The following GOLPH3 variants were observed in gnomAD, a reference collection of about 807,000 sequenced individuals.
The protein encoded by GOLPH3 is golgi phosphoprotein 3.
GOLPH3 carries 14 observed loss-of-function variants against 28.5 expected under a neutral mutation model. The observed-to-expected ratio is 0.49, with a 90% CI of 0.32 to 0.77. The LOEUF is 0.77. Among genes scored for constraint, GOLPH3 ranks in the 30% least tolerant of loss-of-function variants. GOLPH3 has a pLI of 0.03. For synonymous variants in GOLPH3, 158 were observed against 159.2 expected, an observed-to-expected ratio of 0.99 and a Z score of 0.06; for missense variants, 350 against 393.7, an observed-to-expected ratio of 0.89 and a Z score of 0.94.
At chr5:32,142,761 G>T (rs530636321) in intron 2 of GOLPH3, among the ~76,000 whole-genome samples, 3 of 145,244 alleles carry the variant, frequency 2.1e-5, no homozygotes, top group Non-Finnish European at 4.5e-5. Flanking sequence ...GCCTCTGCCC[G>T]GCCGCCCCTA....
intron 1 of GOLPH3, among the ~76,000 whole-genome samples, chr5:32,151,310 T>C (rs1203635843): frequency 6.7e-6 from 1 of 150,220 alleles, no homozygotes. Flanking sequence ...GGGGATCACC[T>C]AGGCCAGGAG....
At chr5:32,131,162 C>T (rs991292963) in intron 3 of GOLPH3, among the ~76,000 whole-genome samples, 4 of 152,198 alleles carry the variant, frequency 2.6e-5, no homozygotes, top group African/African-American at 9.6e-5. Flanking sequence ...TTATTCAGAT[C>T]TCCTCAAGTA....
chr5:32,145,516 T>A (rs1746166887), intron 1 of GOLPH3, among the ~76,000 whole-genome samples: 1 of 152,240 alleles, frequency 6.6e-6, no homozygotes. Flanking sequence ...TGGCTTTGAC[T>A]GGCCTGGACA....
At chr5:32,164,347 T>C (rs1367067020) in intron 1 of GOLPH3, among the ~76,000 whole-genome samples, 1 of 152,186 alleles carries the variant, frequency 6.6e-6, no homozygotes, top group Non-Finnish European at 1.5e-5. Flanking sequence ...AATATACATA[T>C]TTGTTTGTAC....
intron 1 of GOLPH3, among the ~76,000 whole-genome samples, chr5:32,157,066 A>C (rs1746447642): frequency 6.6e-6 from 1 of 152,194 alleles, no homozygotes; most frequent in South Asian, 2.1e-4. Flanking sequence ...TGTAACACAG[A>C]ATGTATTTTT....
intron 1 of GOLPH3, among the ~76,000 whole-genome samples, chr5:32,165,034 G>A (rs1353985382): frequency 2.0e-5 from 3 of 151,120 alleles, no homozygotes; most frequent in Non-Finnish European, 4.4e-5. Flanking sequence ...CGAGTAGCTG[G>A]GATTTCAGGT....
chr5:32,148,732 G>A (rs1050249646), intron 1 of GOLPH3, among the ~76,000 whole-genome samples: 1 of 152,268 alleles, frequency 6.6e-6, no homozygotes, highest in African/African-American at 2.4e-5. Flanking sequence ...AGGAGGCGGA[G>A]CTTGCAGTGA....
chr5:32,161,754 A>G (rs323835), intron 1 of GOLPH3, among the ~76,000 whole-genome samples: 149,075 of 151,258 alleles, frequency 0.99, 73,632 homozygotes, highest in Middle Eastern at 1. Context: ...CGGGCCAGGC[A>G]CGGTGGCTCA....
At chr5:32,156,618 C>T (rs1183939535) in intron 1 of GOLPH3, among the ~76,000 whole-genome samples, 21 of 151,690 alleles carry the variant, frequency 1.4e-4, no homozygotes, top group African/African-American at 4.9e-4. Context: ...ACTGGAGCGG[C>T]GGGGGGGATG....
intron 2 of GOLPH3, among the ~76,000 whole-genome samples, chr5:32,136,336 C>G (rs1264164863): frequency 2.0e-5 from 3 of 151,834 alleles, no homozygotes; most frequent in Non-Finnish European, 4.4e-5. Context: ...AAACAATTAG[C>G]TGGGCGTGGT....
At chr5:32,155,177 A>T (rs1235765545) in intron 1 of GOLPH3, among the ~76,000 whole-genome samples, 1 of 151,700 alleles carries the variant, frequency 6.6e-6, no homozygotes, top group Non-Finnish European at 1.5e-5. Context: ...AAGTCACTGC[A>T]TTGTTACCTT....
intron 3 of GOLPH3, among the ~76,000 whole-genome samples, chr5:32,129,937 G>A (rs1188466102): frequency 6.6e-6 from 1 of 152,022 alleles, no homozygotes. Flanking sequence ...CGCCTCCTGG[G>A]TTCACGTCAT....
At chr5:32,152,735 T>C (rs1387438115) in intron 1 of GOLPH3, among the ~76,000 whole-genome samples, 1 of 148,312 alleles carries the variant, frequency 6.7e-6, no homozygotes, top group South Asian at 2.1e-4. Flanking sequence ...TGAACCAGGA[T>C]CACACCACTG....
At chr5:32,172,079 A>G (rs1344404052) in intron 1 of GOLPH3, among the ~76,000 whole-genome samples, 1 of 152,244 alleles carries the variant, frequency 6.6e-6, no homozygotes, top group Non-Finnish European at 1.5e-5. Flanking sequence ...CCAAAGAACA[A>G]GGAACTGCAC....
intron 2 of GOLPH3, among the ~76,000 whole-genome samples, chr5:32,136,266 G>C (rs1316054469): frequency 6.6e-6 from 1 of 152,036 alleles, no homozygotes; most frequent in East Asian, 1.9e-4. Context: ...GATCACCTGA[G>C]GTCAGGAGTT....
intron 1 of GOLPH3, among the ~76,000 whole-genome samples, chr5:32,145,977 C>T (rs933343449): frequency 2.6e-5 from 4 of 152,076 alleles, no homozygotes; most frequent in African/African-American, 9.7e-5. Context: ...AAATCCATGT[C>T]ATAAAAGCAG....
At position 32,174,139 on chromosome 5, in the gene GOLPH3, G is replaced by A; in HGVS notation, c.-105C>T. On this transcript the variant is annotated 5_prime_UTR_variant, in exon 1 of 4. Transcript: ENST00000265070. ...CGATCCGGGTTTCCGTGTTAAATCC[G>A]GACGCCGGGGCGACGTCCGTCGGCA... 1.3e-6 allele frequency: 1 copy of A among 746,570 alleles called. No individual in the cohort carries two copies. The highest frequency in any genetic ancestry group is 3.6e-5 in the East Asian group (1 of 27,800). 46.2% of individuals were successfully genotyped at this position (746,570 alleles called of 1,614,324 possible). A position where few individuals can be genotyped will look rare whatever the true frequency, so the allele number is the denominator to read the frequency against.
intron 2 of GOLPH3, among the ~76,000 whole-genome samples, chr5:32,137,360 A>T (rs283133): frequency 0.54 from 80,831 of 150,788 alleles, 22,924 homozygotes; most frequent in Non-Finnish European, 0.63. Flanking sequence ...ACTTTTTTTT[A>T]AAAAAAGCTA....
chr5:32,160,668 G>A (rs1746551255), intron 1 of GOLPH3, among the ~76,000 whole-genome samples: 1 of 152,214 alleles, frequency 6.6e-6, no homozygotes, highest in Non-Finnish European at 1.5e-5. Context: ...AGATTAAGGT[G>A]AAGAGTCTCA....
Sources: gnomAD v4.1 joint callset for allele counts (sites outside exome capture counted in the v4.1 genomes callset) on GRCh38, gnomAD v4.1.1 for gene constraint, MANE v1.5 for transcripts, NCBI Gene and HGNC (gene_info 2026-07-23, HGNC 2026-07-21) for gene names.